Variants in MNAT1 observed in about 807,000 individuals in gnomAD.
MNAT1 encodes the protein MNAT1 component of CDK activating kinase, also known as CDK-activating kinase assembly factor MAT1.
In MNAT1, 43 loss-of-function variants were observed where a neutral mutation model predicts 42.0. That is an observed-to-expected ratio of 1.02 (90% CI 0.80 to 1.32). The LOEUF (loss-of-function observed/expected upper bound fraction) is 1.32, where lower values mean the gene tolerates loss of function less well. Among genes scored for constraint, MNAT1 ranks in the 40% most tolerant of loss-of-function variants. The pLI is 0.00. For synonymous variants in MNAT1, 118 were observed against 120.0 expected (o/e 0.98, Z 0.11); for missense variants, 306 against 350.4 (o/e 0.87, Z 1.01).
chr14:60,760,208 G>C (rs1330189892), intron 1 of MNAT1, among the ~76,000 whole-genome samples: 1 of 151,818 alleles, frequency 6.6e-6, no homozygotes, highest in African/African-American at 2.4e-5. Context: ...TTTTCAGTTA[G>C]TGGTAGATTT....
intron 6 of MNAT1, among the ~76,000 whole-genome samples, chr14:60,854,694 G>A (rs940090735): frequency 7.9e-5 from 12 of 152,164 alleles, no homozygotes; most frequent in Non-Finnish European, 1.6e-4. Flanking sequence ...GAGGGGCACC[G>A]ACCTGATGCC....
rs375623284 is a variant in MNAT1, at chr14:60,912,039, C to G, written c.809+32204C>G. On this transcript the variant is annotated intron_variant, in intron 7 of 7. Transcript: ENST00000261245. The stretch of plus-strand genomic sequence containing the variant: ...GTGCATATATATTTAGGATAGTTAG[C>G]TCTTCTTGTTGAATTGATCCCTTTA... Among the ~76,000 whole-genome samples the G allele has an allele frequency of 4.0e-5, 6 of 151,774 alleles. No homozygotes were observed. In the South Asian group the frequency reaches 1.2e-3, roughly 31 times the overall value.
At chr14:60,965,987 C>T (rs2036674694) in intron 7 of MNAT1, among the ~76,000 whole-genome samples, 1 of 152,172 alleles carries the variant, frequency 6.6e-6, no homozygotes, top group Non-Finnish European at 1.5e-5. Context: ...ATTTCTCATG[C>T]ATCAGAATCT....
chr14:60,781,656 T>A (rs1460419039), intron 1 of MNAT1, among the ~76,000 whole-genome samples: 3 of 152,246 alleles, frequency 2.0e-5, no homozygotes, highest in Non-Finnish European at 4.4e-5. Flanking sequence ...TAAATTTTTT[T>A]AGTTACTTTT....
At chr14:60,946,962 T>A (rs562724186) in intron 7 of MNAT1, among the ~76,000 whole-genome samples, 2 of 152,318 alleles carry the variant, frequency 1.3e-5, no homozygotes, top group South Asian at 4.1e-4. Context: ...ATCTGTGTCC[T>A]CATGTGGCAG....
chr14:60,939,085 T>A (rs1249578365), intron 7 of MNAT1, among the ~76,000 whole-genome samples: 2 of 152,206 alleles, frequency 1.3e-5, no homozygotes, highest in South Asian at 4.1e-4. Context: ...GATATCCCCT[T>A]TATCATTTTT....
chr14:60,772,949 ATTTG>A (rs2031116079), intron 1 of MNAT1, among the ~76,000 whole-genome samples: 1 of 146,154 alleles, frequency 6.8e-6, no homozygotes, highest in African/African-American at 2.5e-5. Flanking sequence ...TTATTTATTT[ATTTG>A]AGACAGAGTC....
intron 6 of MNAT1, among the ~76,000 whole-genome samples, chr14:60,866,965 A>G (rs1404121527): frequency 2.0e-5 from 3 of 152,218 alleles, no homozygotes; most frequent in Admixed American, 6.5e-5. Context: ...TGTGTGGAAC[A>G]CTAATTAGAG....
At chr14:60,964,560 C>T (rs1980896) in intron 7 of MNAT1, among the ~76,000 whole-genome samples, 1 of 152,120 alleles carries the variant, frequency 6.6e-6, no homozygotes, top group East Asian at 1.9e-4. Context: ...TCTGCTTATA[C>T]GATTTACACA....
intron 7 of MNAT1, among the ~76,000 whole-genome samples, chr14:60,881,004 C>T (rs1050032611): frequency 1.1e-4 from 16 of 152,140 alleles, no homozygotes; most frequent in African/African-American, 3.9e-4. Context: ...GAGCCAGAAT[C>T]GTGTATCTTT....
intron 7 of MNAT1, among the ~76,000 whole-genome samples, chr14:60,949,966 T>G (rs1432882391): frequency 1.3e-5 from 2 of 152,206 alleles, no homozygotes; most frequent in Non-Finnish European, 2.9e-5. Flanking sequence ...TCACTAGTCC[T>G]TTGACTTAGA....
intron 4 of MNAT1, among the ~76,000 whole-genome samples, chr14:60,811,256 A>AT (rs1449235614): frequency 6.8e-6 from 1 of 146,018 alleles, no homozygotes. Context: ...CCCCACTCTA[A>AT]TTAGATTATT....
At chr14:60,871,996 C>G (rs1221917705) in intron 6 of MNAT1, among the ~76,000 whole-genome samples, 3 of 152,050 alleles carry the variant, frequency 2.0e-5, no homozygotes, top group Non-Finnish European at 4.4e-5. Context: ...GTATTTTCTT[C>G]TGGTCTGCAT....
intron 1 of MNAT1, among the ~76,000 whole-genome samples, chr14:60,784,342 AT>A (rs571413726): frequency 2.4e-3 from 331 of 138,244 alleles, no homozygotes; most frequent in Middle Eastern, 3.8e-3. Context: ...AACTAAAAAC[AT>A]TTTTTTTTTT....
intron 5 of MNAT1, among the ~76,000 whole-genome samples, chr14:60,813,341 A>G (rs542876813): frequency 2.8e-4 from 42 of 152,304 alleles, no homozygotes; most frequent in African/African-American, 9.1e-4. Context: ...CCTCCCACAT[A>G]GAGTTGAGTG....
intron 1 of MNAT1, among the ~76,000 whole-genome samples, chr14:60,795,126 C>T (rs1001228880): frequency 2.6e-5 from 4 of 152,164 alleles, no homozygotes; most frequent in Non-Finnish European, 5.9e-5. Flanking sequence ...TGGAGGACTA[C>T]AAATGTTTAA....
chr14:60,822,948 G>C (rs912585916), intron 6 of MNAT1, among the ~76,000 whole-genome samples: 1 of 152,054 alleles, frequency 6.6e-6, no homozygotes, highest in African/African-American at 2.4e-5. Flanking sequence ...GTAGCAATGG[G>C]GTTTCACCAT....
chr14:60,879,567 C>G (rs1057225544), intron 6 of MNAT1, 147 bp from the exon 7 acceptor site: 14 of 656,148 alleles, frequency 2.1e-5, no homozygotes, highest in African/African-American at 1.5e-4. Context: ...TTTGGTTATG[C>G]TGCAATGCAT....
Position 60,802,518 on chromosome 14 carries a change from C to T in MNAT1, c.316+4358C>T, listed in dbSNP as rs182095353. On this transcript the variant is annotated intron_variant, in intron 3 of 7. Transcript: ENST00000261245. The stretch of plus-strand genomic sequence containing the variant: ...ACTGGGCTGTCAGTTAAGATTTTAT[C>T]TTGTGGCTAAGAGGAGATACTAAAG... 9.2e-5 allele frequency among the ~76,000 whole-genome samples: 14 copies of T among 152,092 alleles called. No homozygotes were observed. In the East Asian group the frequency reaches 1.9e-3, roughly 21 times the overall value.
Sources: allele counts gnomAD v4.1 joint callset (sites outside exome capture counted in the v4.1 genomes callset), GRCh38; gene constraint gnomAD v4.1.1; transcripts MANE v1.5; gene names NCBI Gene and HGNC (gene_info 2026-07-23, HGNC 2026-07-21).